The following CCDC40 variants were observed in gnomAD, a reference collection of about 807,000 sequenced individuals.
CCDC40 encodes coiled-coil domain 40 molecular ruler complex subunit.
A neutral mutation model predicts 124.5 loss-of-function variants in CCDC40; 104 were observed. That is an observed-to-expected ratio of 0.84 (90% CI 0.71 to 0.98). The LOEUF (loss-of-function observed/expected upper bound fraction) is 0.98. CCDC40 is among the 50% of genes least tolerant of loss of function. CCDC40 has a pLI of 0.00. For synonymous variants in CCDC40, 580 were observed against 602.9 expected, an observed-to-expected ratio of 0.96 and a Z score of 0.56; for missense variants, 1,463 against 1,503.9, an observed-to-expected ratio of 0.97 and a Z score of 0.45.
In CCDC40 at chr17:80,087,784, C is replaced by CGT; in HGVS notation, c.2619+11_2619+12dup. ...TTCGTGCGCTCGCTGAAGGTCCGGC[C>CGT]GTGTCCACGCAGTCCCGGGGCTCAG... On this transcript the variant is annotated intron_variant, in intron 15 of 19. Coordinates refer to ENST00000397545, the MANE Select transcript of CCDC40 (RefSeq NM_017950.4). The surrounding 1 kb of genome is among the most constrained non-coding windows in gnomAD (Gnocchi z 4.5). 1 of 1,613,662 alleles carries CGT rather than the reference C, an allele frequency of 6.2e-7. No homozygotes were observed. The highest frequency in any genetic ancestry group is 8.5e-7 in the Non-Finnish European group (1 of 1,179,700).
chr17:80,082,663 G>T (rs1003823995), intron 12 of CCDC40, among the ~76,000 whole-genome samples: 1 of 152,132 alleles, frequency 6.6e-6, no homozygotes, highest in Admixed American at 6.5e-5. Context: ...CCTCCTGAGG[G>T]GTGGGAAAGG....
chr17:80,062,536 T>C (rs896750102), intron 9 of CCDC40, among the ~76,000 whole-genome samples: 5 of 145,534 alleles, frequency 3.4e-5, no homozygotes, highest in African/African-American at 1.3e-4. Context: ...TTCCCACCTA[T>C]GAGTGAGAAC....
chr17:80,043,408 G>A (rs1180016881), intron 3 of CCDC40, among the ~76,000 whole-genome samples: 4 of 152,232 alleles, frequency 2.6e-5, no homozygotes, highest in African/African-American at 4.8e-5. Flanking sequence ...GATAGGGCCT[G>A]TGTGCGTGTA....
intron 12 of CCDC40, among the ~76,000 whole-genome samples, chr17:80,083,043 G>A (rs1598535935): frequency 2.0e-5 from 3 of 152,272 alleles, no homozygotes; most frequent in South Asian, 4.1e-4. Context: ...CCGGAGCTGG[G>A]GTCAACCACG....
At chr17:80,037,898 A>G in intron 1 of CCDC40, 1 of 454,634 alleles carries the variant, frequency 2.2e-6, no homozygotes, top group Non-Finnish European at 4.1e-6. Context: ...TAATAATTAT[A>G]TTTTTCATTC....
At chr17:80,037,066 C>T (rs2037090414) in intron 1 of CCDC40, among the ~76,000 whole-genome samples, 1 of 152,158 alleles carries the variant, frequency 6.6e-6, no homozygotes, top group Admixed American at 6.5e-5. Context: ...CTGCAGGGCG[C>T]GGGGCTGTTG....
In CCDC40 at chr17:80,051,956, C is replaced by T. The variant is rs1447632486; in HGVS notation, c.1159+1673C>T. ...CTGGAGATTAGGAGAGGGCCAGAGC[C>T]GAGGCTCTTCAACCCAGCAAGGCCT... On this transcript the variant is annotated intron_variant, in intron 7 of 19. Coordinates refer to ENST00000397545, the MANE Select transcript of CCDC40 (RefSeq NM_017950.4). Among the ~76,000 whole-genome samples, 5 of 152,296 alleles carry T rather than the reference C, an allele frequency of 3.3e-5. No individual in the cohort carries two copies. The East Asian group carries it at 5.8e-4, about 18-fold the overall frequency.
Position 80,086,235 on chromosome 17 carries a change from G to T in CCDC40, c.2449+19G>T, listed in dbSNP as rs537011469. On this transcript the variant is annotated intron_variant, in intron 14 of 19. Coordinates refer to ENST00000397545, the MANE Select transcript of CCDC40 (RefSeq NM_017950.4). This position sits in a 1 kb window ranked among gnomAD's most constrained non-coding sequence, Gnocchi z 5.5. The stretch of plus-strand genomic sequence containing the variant: ...GTAGAAAGTAAGAGCCGCCGTGCCC[G>T]GCCCTGCAGTGATGCTGAGACGAGC... The T allele has an allele frequency of 2.6e-6, 4 of 1,566,158 alleles. No individual in the cohort carries two copies. In the African/African-American group the frequency reaches 4.1e-5, roughly 16 times the overall value.
chr17:80,095,503 A>C (rs772561310), intron 18 of CCDC40, 52 bp downstream of exon 18: 2 of 1,570,026 alleles, frequency 1.3e-6, no homozygotes, highest in Non-Finnish European at 1.7e-6. Context: ...TCTGGGATTC[A>C]AGGAACACTC....
intron 2 of CCDC40, 94 bp downstream of exon 2, chr17:80,038,280 C>G: frequency 1.1e-6 from 1 of 877,636 alleles, no homozygotes; most frequent in Non-Finnish European, 1.9e-6. Flanking sequence ...CCTGTAATCC[C>G]AACACTTTGG....
At chr17:80,043,678 C>T (rs57960152) in intron 3 of CCDC40, among the ~76,000 whole-genome samples, 3,225 of 150,686 alleles carry the variant, frequency 0.021, 124 homozygotes, top group African/African-American at 0.074. Flanking sequence ...CCATCACGCC[C>T]GGCTAATTTT....
At chr17:80,045,792 A>G (rs1449372056) in intron 3 of CCDC40, among the ~76,000 whole-genome samples, 2 of 151,944 alleles carry the variant, frequency 1.3e-5, no homozygotes, top group African/African-American at 4.8e-5. Context: ...AACTATCACA[A>G]AAGACTCTGC....
intron 7 of CCDC40, among the ~76,000 whole-genome samples, chr17:80,053,129 C>G (rs1364863546): frequency 6.6e-6 from 1 of 152,156 alleles, no homozygotes; most frequent in African/African-American, 2.4e-5. Flanking sequence ...AGGCAATAGC[C>G]AATGTCCAGG....
intron 10 of CCDC40, among the ~76,000 whole-genome samples, chr17:80,081,070 G>T (rs1175644503): frequency 1.3e-5 from 2 of 152,088 alleles, no homozygotes; most frequent in African/African-American, 4.8e-5. Context: ...ATTTTTTAAA[G>T]ATTTGGCTGC....
rs1406594298 is a variant in CCDC40 at position 80,066,977 on chromosome 17, C to T, written c.1562+1371C>T. ...AGGACGAGAGGACTTGGCCATCTGC[C>T]CACTTGGGTGTCTTTTTCCTCCTGC... On this transcript the variant is annotated intron_variant, in intron 10 of 19. Coordinates refer to ENST00000397545, the MANE Select transcript of CCDC40 (RefSeq NM_017950.4). The surrounding 1 kb of genome is among the most constrained non-coding windows in gnomAD (Gnocchi z 4.4). 6.5e-6 allele frequency: 1 copy of T among 152,704 alleles called. No homozygotes were observed. Among genetic ancestry groups the T allele is most frequent in the African/African-American group, 2.4e-5 (1 of 41,440 alleles). The allele number at this position is 152,704 out of a possible 1,614,324, so 9.5% of individuals were successfully genotyped here.
intron 18 of CCDC40, among the ~76,000 whole-genome samples, chr17:80,095,867 AT>A (rs2038801816): frequency 6.6e-6 from 1 of 152,236 alleles, no homozygotes; most frequent in Admixed American, 6.5e-5. Context: ...AGGCCAGCTC[AT>A]GCTGGGGAGC....
At chr17:80,065,371 C>T (rs745586959) in intron 9 of CCDC40, 114 bp from the exon 10 acceptor site, 3 of 1,384,096 alleles carry the variant, frequency 2.2e-6, no homozygotes, top group Non-Finnish European at 3.1e-6. Flanking sequence ...AAGGAAAGTA[C>T]CGGTGATAGA....
rs771732758 is a variant in CCDC40, at chr17:80,036,684, G to GCGGGCCGGTAAGC, written c.29+1_29+13dup. The GCGGGCCGGTAAGC allele has an allele frequency of 1.0e-4, 153 of 1,462,272 alleles. No homozygotes were observed. In the African/African-American group the frequency reaches 2.1e-3, roughly 20 times the overall value. 90.6% of individuals were successfully genotyped at this position (1,462,272 alleles called of 1,614,324 possible). A position where few individuals can be genotyped will look rare whatever the true frequency, so the allele number is the denominator to read the frequency against. ...GGAAATGGCGGAACCGGGCGGCGCG[G>GCGGGCCGGTAAGC]CGGGCCGGTAAGCCGGGCCGAGGGG... On this transcript the variant is annotated stop_gained and frameshift_variant, in exon 1 of 20. Coordinates refer to ENST00000397545, the MANE Select transcript of CCDC40 (RefSeq NM_017950.4). LOFTEE classifies it high-confidence loss of function.
Position 80,050,234 on chromosome 17 carries a change from C to T in CCDC40, c.1110C>T (p.Arg370=), listed in dbSNP as rs771454791. ...AGGAGGAGGAGCTGCAGGCCGCCCG[C>T]GCTCTCTACACCAAGACCTGCGCAG... is the stretch of plus-strand genomic sequence containing the variant. ...RQKEEELQAA[R]ALYTKTCAAA... Residue 370 remains arginine, a synonymous_variant, in exon 7 of 20, where the codon CGC becomes CGT. Coordinates refer to ENST00000397545, the MANE Select transcript of CCDC40 (RefSeq NM_017950.4). 72 of 1,598,466 alleles carry T rather than the reference C, an allele frequency of 4.5e-5. 3 individuals carry two copies. The South Asian group carries it at 6.7e-4, about 15-fold the overall frequency.
Sources: allele counts gnomAD v4.1 joint callset (sites outside exome capture counted in the v4.1 genomes callset), GRCh38; gene constraint gnomAD v4.1.1; non-coding constraint Gnocchi (gnomAD v3.1); transcripts MANE v1.5; gene names NCBI Gene and HGNC (gene_info 2026-07-23, HGNC 2026-07-21).